The following SCPEP1 variants were observed in gnomAD, a reference collection of about 807,000 sequenced individuals.
The protein encoded by SCPEP1 is retinoid-inducible serine carboxypeptidase.
SCPEP1 carries 51 observed loss-of-function variants against 63.8 expected under a neutral mutation model. That is an observed-to-expected ratio of 0.80 (90% CI 0.64 to 1.01). The LOEUF (loss-of-function observed/expected upper bound fraction) is 1.01, where lower values mean the gene tolerates loss of function less well. SCPEP1 is among the 50% of genes least tolerant of loss of function. The pLI is 0.00. For missense variants in SCPEP1, 499 were observed against 554.9 expected (o/e 0.90, Z 1.01); for synonymous variants, 204 against 207.8 (o/e 0.98, Z 0.16).
chr17:56,993,225 A>G (rs1313278759), intron 6 of SCPEP1, among the ~76,000 whole-genome samples: 1 of 152,038 alleles, frequency 6.6e-6, no homozygotes, highest in East Asian at 1.9e-4. Context: ...TTTAAATACA[A>G]TTTCATTTTT....
intron 2 of SCPEP1, chr17:56,983,800 G>C (rs956713457): frequency 1.3e-5 from 2 of 148,702 alleles, no homozygotes; most frequent in African/African-American, 2.5e-5. Flanking sequence ...GCCGTTGCTA[G>C]TTACCCTTTA....
chr17:57,004,658 A>G (rs2144513280), intron 12 of SCPEP1, among the ~76,000 whole-genome samples: 1 of 152,304 alleles, frequency 6.6e-6, no homozygotes, highest in South Asian at 2.1e-4. Context: ...GAATTCATTT[A>G]TGTTTCATAT....
chr17:57,005,964 C>T (rs939838898), intron 12 of SCPEP1, among the ~76,000 whole-genome samples: 4 of 152,182 alleles, frequency 2.6e-5, no homozygotes, highest in African/African-American at 4.8e-5. Context: ...GTCCCTGCCA[C>T]CCAGCCCAGT....
At chr17:57,002,249 C>T in intron 12 of SCPEP1, 68 bp downstream of exon 12, 1 of 1,495,994 alleles carries the variant, frequency 6.7e-7, no homozygotes, top group South Asian at 1.2e-5. Context: ...GGTTATTATG[C>T]CTCTGTCCAC....
intron 10 of SCPEP1, among the ~76,000 whole-genome samples, chr17:57,000,013 G>T (rs1261457119): frequency 6.6e-6 from 1 of 151,536 alleles, no homozygotes; most frequent in Non-Finnish European, 1.5e-5. Flanking sequence ...AGCTGGGCGT[G>T]GTGGTGTGCA....
At chr17:57,005,508 A>G (rs1911857890) in intron 12 of SCPEP1, among the ~76,000 whole-genome samples, 1 of 152,182 alleles carries the variant, frequency 6.6e-6, no homozygotes, top group Non-Finnish European at 1.5e-5. Context: ...CAGAAGAGTC[A>G]AGGATGGGTG....
chr17:56,996,738 C>T (rs930039359), intron 8 of SCPEP1, among the ~76,000 whole-genome samples: 3 of 148,654 alleles, frequency 2.0e-5, no homozygotes, highest in East Asian at 2.0e-4. Context: ...AGGCCGGTCT[C>T]GAACTCCTGG....
At position 57,002,052 on chromosome 17, in the gene SCPEP1, A is replaced by C. The variant is rs1911754001; in HGVS notation, c.1167A>C (p.Pro389=). The C allele has an allele frequency of 8.1e-6, 13 of 1,614,256 alleles. No homozygotes were observed. Among genetic ancestry groups the C allele is most frequent in the Non-Finnish European group, 1.1e-5 (13 of 1,180,042 alleles). The change falls in exon 12 of 13, where the codon CCA becomes CCC. Residue 389 remains proline, a synonymous_variant. Coordinates refer to ENST00000262288, the MANE Select transcript of SCPEP1 (RefSeq NM_021626.3). ...CCTGGGTGCGGAAACTGAAGTGGCC[A>C]GAACTGCCTAAATTCAGTCAGCTGA... ...QEAWVRKLKW[P]ELPKFSQLKW...
In SCPEP1 at chr17:57,000,848, T is replaced by C. The variant is rs747757453; in HGVS notation, c.995-7T>C. On this transcript the variant is annotated splice_region_variant and splice_polypyrimidine_tract_variant and intron_variant, in intron 10 of 12. Coordinates refer to ENST00000262288, the MANE Select transcript of SCPEP1 (RefSeq NM_021626.3). The stretch of plus-strand genomic sequence containing the variant: ...GCTACTCCCTCTTTCTCCTTCCCCA[T>C]GTGCAGGCCAGGCTACCAACGTCTT... 5.0e-6 allele frequency: 8 copies of C among 1,613,914 alleles called. No homozygotes were observed. In the South Asian group the frequency reaches 5.5e-5, roughly 11 times the overall value.
intron 6 of SCPEP1, among the ~76,000 whole-genome samples, chr17:56,991,454 C>T (rs1470228671): frequency 6.6e-6 from 1 of 152,164 alleles, no homozygotes; most frequent in African/African-American, 2.4e-5. Flanking sequence ...CTATCTGCCA[C>T]GTAGGATGAG....
chr17:57,004,028 A>G (rs1043565195), intron 12 of SCPEP1, among the ~76,000 whole-genome samples: 2 of 152,114 alleles, frequency 1.3e-5, no homozygotes, highest in African/African-American at 4.8e-5. Context: ...GAGAAACCCT[A>G]TCTTTACTAA....
chr17:57,006,295 G>A lies in SCPEP1; in HGVS notation c.*60G>A, dbSNP rs372324770. The A allele has an allele frequency of 2.0e-5, 27 of 1,340,540 alleles. No homozygotes were observed. Among genetic ancestry groups the A allele is most frequent in the South Asian group, 2.9e-5 (2 of 69,746 alleles). 83.0% of individuals were successfully genotyped at this position (1,340,540 alleles called of 1,614,324 possible). A position where few individuals can be genotyped will look rare whatever the true frequency, so the allele number is the denominator to read the frequency against. On this transcript the variant is annotated 3_prime_UTR_variant, in exon 13 of 13. Transcript: ENST00000262288. ...TGGGGCACAGAGCTGAGCTGAGGCCGCTGAAGCTGTAGGAAGCGCCATTCT... is the reference window on the plus strand; with the variant it reads ...TGGGGCACAGAGCTGAGCTGAGGCCACTGAAGCTGTAGGAAGCGCCATTCT...
intron 9 of SCPEP1, among the ~76,000 whole-genome samples, chr17:56,997,567 C>T (rs529297526): frequency 1.3e-4 from 20 of 152,202 alleles, no homozygotes; most frequent in African/African-American, 4.3e-4. Context: ...TCTCTTTGGC[C>T]GTTCTGGAGA....
chr17:56,998,573 T>A (rs1911645586), intron 10 of SCPEP1, 75 bp downstream of exon 10: 2 of 1,112,678 alleles, frequency 1.8e-6, no homozygotes, highest in Middle Eastern at 2.0e-4. Context: ...GAGACCTGAA[T>A]TTGTAGGGTG....
chr17:56,980,788 C>CAAA (rs10716600), intron 1 of SCPEP1, among the ~76,000 whole-genome samples: 7 of 77,132 alleles, frequency 9.1e-5, no homozygotes, highest in Admixed American at 6.3e-4. Context: ...GACTTCGTAT[C>CAAA]AAAAAAAAAA....
intron 2 of SCPEP1, among the ~76,000 whole-genome samples, chr17:56,981,759 T>G (rs1306792967): frequency 1.3e-5 from 2 of 151,904 alleles, no homozygotes; most frequent in Non-Finnish European, 2.9e-5. Context: ...GAGGCGGAGG[T>G]AGCAGTGAGC....
intron 1 of SCPEP1, 144 bp downstream of exon 1, chr17:56,978,379 T>A: frequency 2.9e-5 from 26 of 902,012 alleles, no homozygotes; most frequent in East Asian, 3.7e-5. Context: ...TGAATCTCAC[T>A]CTTTTTTTTT....
Position 57,006,748 on chromosome 17 carries a change from G to A in SCPEP1, c.*513G>A, listed in dbSNP as rs1181924936. 1 of 152,000 alleles carries A rather than the reference G, an allele frequency of 6.6e-6. No individual in the cohort carries two copies. The highest frequency in any genetic ancestry group is 2.4e-5 in the African/African-American group (1 of 41,380). The allele number at this position is 152,000 out of a possible 1,614,324, so 9.4% of individuals were successfully genotyped here. A position where few individuals can be genotyped will look rare whatever the true frequency, so the allele number is the denominator to read the frequency against. On this transcript the variant is annotated 3_prime_UTR_variant, in exon 13 of 13. Coordinates refer to ENST00000262288, the MANE Select transcript of SCPEP1 (RefSeq NM_021626.3). ...GAAACACCTTTTCATGTCAATAAAT[G>A]TTCTTCTCTAACATTTTTAATGGCT...
intron 1 of SCPEP1, 51 bp from the exon 2 acceptor site, chr17:56,981,031 A>G: frequency 6.2e-7 from 1 of 1,603,668 alleles, no homozygotes; most frequent in Non-Finnish European, 8.5e-7. Context: ...CTTGGAATTT[A>G]CCTGTACATT....
Sources: gnomAD v4.1 joint callset for allele counts (sites outside exome capture counted in the v4.1 genomes callset) on GRCh38, gnomAD v4.1.1 for gene constraint, MANE v1.5 for transcripts, NCBI Gene and HGNC (gene_info 2026-07-23, HGNC 2026-07-21) for gene names.